The following SEMA3E variants were observed in gnomAD, a reference collection of about 807,000 sequenced individuals.
SEMA3E encodes semaphorin-3E.
In SEMA3E, 49 loss-of-function variants were observed where a neutral mutation model predicts 93.6. The ratio of observed to expected loss-of-function variants is 0.52; its 90% CI spans 0.42 to 0.66. The LOEUF is 0.66. Among genes scored for constraint, SEMA3E ranks in the 30% least tolerant of loss-of-function variants. SEMA3E has a pLI of 0.00. For missense variants in SEMA3E, 906 were observed against 964.8 expected, an observed-to-expected ratio of 0.94 and a Z score of 0.81; for synonymous variants, 363 against 330.7, an observed-to-expected ratio of 1.10 and a Z score of -1.06.
At chr7:83,438,384 T>C (rs1452715480) in intron 4 of SEMA3E, among the ~76,000 whole-genome samples, 2 of 152,118 alleles carry the variant, frequency 1.3e-5, no homozygotes, top group Non-Finnish European at 2.9e-5. Flanking sequence ...AGCAGGCCCA[T>C]ACTTAAAAAG....
At chr7:83,622,106 A>G (rs913166330) in intron 1 of SEMA3E, among the ~76,000 whole-genome samples, 1 of 152,170 alleles carries the variant, frequency 6.6e-6, no homozygotes, top group Non-Finnish European at 1.5e-5. Context: ...ACAAGGGTCT[A>G]ATATCCAGTC....
At chr7:83,426,498 C>T (rs1353735944) in intron 4 of SEMA3E, among the ~76,000 whole-genome samples, 1 of 152,060 alleles carries the variant, frequency 6.6e-6, no homozygotes, top group Non-Finnish European at 1.5e-5. Context: ...CATGTTCTCA[C>T]TTATAGAACA....
intron 4 of SEMA3E, among the ~76,000 whole-genome samples, chr7:83,452,249 G>C (rs1013132706): frequency 1.6e-4 from 25 of 152,206 alleles, no homozygotes; most frequent in South Asian, 1.0e-3. Flanking sequence ...CATGGAAGAG[G>C]TGGGCAAAGA....
At chr7:83,645,894 A>G (rs961585779) in intron 1 of SEMA3E, among the ~76,000 whole-genome samples, 2 of 152,070 alleles carry the variant, frequency 1.3e-5, no homozygotes, top group Admixed American at 6.6e-5. Context: ...ATATTTTTAT[A>G]TAATTTAACT....
intron 2 of SEMA3E, among the ~76,000 whole-genome samples, chr7:83,470,962 T>C (rs1190818177): frequency 2.0e-5 from 3 of 151,988 alleles, no homozygotes; most frequent in East Asian, 1.9e-4. Flanking sequence ...ATTTTGATTA[T>C]ACATTAGTCT....
At chr7:83,384,541 T>A (rs979241119) in intron 16 of SEMA3E, among the ~76,000 whole-genome samples, 1 of 152,070 alleles carries the variant, frequency 6.6e-6, no homozygotes, top group Non-Finnish European at 1.5e-5. Context: ...TTTGTGAAAC[T>A]GAGTTCAAAG....
chr7:83,389,424 C>T (rs1397320513), intron 14 of SEMA3E, among the ~76,000 whole-genome samples: 1 of 126,306 alleles, frequency 7.9e-6, no homozygotes, highest in Non-Finnish European at 1.9e-5. Context: ...AAACTACAAT[C>T]AAATAATTCT....
intron 1 of SEMA3E, among the ~76,000 whole-genome samples, chr7:83,511,476 A>G (rs561346259): frequency 1.3e-5 from 2 of 152,172 alleles, no homozygotes; most frequent in East Asian, 3.9e-4. Context: ...CTTCTTAACT[A>G]CCTGCAGCTA....
chr7:83,610,241 T>C (rs1279416036), intron 1 of SEMA3E, among the ~76,000 whole-genome samples: 2 of 152,050 alleles, frequency 1.3e-5, no homozygotes, highest in Non-Finnish European at 2.9e-5. Context: ...TTTCACCCTC[T>C]GTAGGCATAA....
At chr7:83,630,383 T>C (rs1278467716) in intron 1 of SEMA3E, among the ~76,000 whole-genome samples, 1 of 152,198 alleles carries the variant, frequency 6.6e-6, no homozygotes, top group Non-Finnish European at 1.5e-5. Flanking sequence ...ATAGCAAAGT[T>C]TGGCCCTATC....
intron 1 of SEMA3E, chr7:83,616,527 C>G (rs1793370257): frequency 4.2e-6 from 1 of 236,426 alleles, no homozygotes; most frequent in Non-Finnish European, 8.7e-6. Flanking sequence ...TGGCTCCAGT[C>G]TACTTATTCA....
At chr7:83,519,556 G>T (rs552887150) in intron 1 of SEMA3E, among the ~76,000 whole-genome samples, 3 of 151,644 alleles carry the variant, frequency 2.0e-5, no homozygotes, top group Non-Finnish European at 2.9e-5. Context: ...TTTTCTTCTC[G>T]TCTCCCTAGT....
intron 4 of SEMA3E, among the ~76,000 whole-genome samples, chr7:83,435,797 A>C (rs546687617): frequency 6.6e-6 from 1 of 152,322 alleles, no homozygotes; most frequent in Non-Finnish European, 1.5e-5. Context: ...TTCGTGATGT[A>C]AAATTCCATG....
At chr7:83,448,320 T>C (rs1789278915) in intron 4 of SEMA3E, among the ~76,000 whole-genome samples, 1 of 152,164 alleles carries the variant, frequency 6.6e-6, no homozygotes, top group South Asian at 2.1e-4. Flanking sequence ...CCTAATATTA[T>C]CCAAATATCT....
At chr7:83,553,246 T>G (rs1791806447) in intron 1 of SEMA3E, among the ~76,000 whole-genome samples, 1 of 152,068 alleles carries the variant, frequency 6.6e-6, no homozygotes, top group Admixed American at 6.6e-5. Context: ...ATATTGGGGG[T>G]GGGTTCCCCC....
At chr7:83,440,941 C>A (rs1789101955) in intron 4 of SEMA3E, among the ~76,000 whole-genome samples, 1 of 152,136 alleles carries the variant, frequency 6.6e-6, no homozygotes, top group South Asian at 2.1e-4. Flanking sequence ...TAGAGCCAGA[C>A]TCTGAAGGAC....
intron 1 of SEMA3E, among the ~76,000 whole-genome samples, chr7:83,591,384 T>C (rs1368950747): frequency 6.6e-6 from 1 of 151,782 alleles, no homozygotes; most frequent in African/African-American, 2.4e-5. Flanking sequence ...TTAATGAGTT[T>C]TTCCAGCGTT....
Position 83,402,656 on chromosome 7 carries a change from T to C in SEMA3E, c.1119A>G (p.Lys373=). The C allele has an allele frequency of 1.2e-6, 2 of 1,612,892 alleles. No individual in the cohort carries two copies. The highest frequency in any genetic ancestry group is 1.7e-6 in the Non-Finnish European group (2 of 1,179,090). The change falls in exon 10 of 17, where the codon AAA becomes AAG. Residue 373 remains lysine (K), a synonymous_variant. Transcript: ENST00000643230. ...CAGAACCAGGCCTTGGATAAGGGAC[T>C]TTTCCTTCATAGACTGACCAGTGGT... ...PEYHWSVYEG[K]VPYPRPGSCA...
At chr7:83,434,697 T>G (rs1009314238) in intron 4 of SEMA3E, among the ~76,000 whole-genome samples, 4 of 149,948 alleles carry the variant, frequency 2.7e-5, no homozygotes, top group African/African-American at 9.8e-5. Flanking sequence ...TTATTTATCC[T>G]CAACTGTATT....
Sources: allele counts gnomAD v4.1 joint callset (sites outside exome capture counted in the v4.1 genomes callset), GRCh38; gene constraint gnomAD v4.1.1; transcripts MANE v1.5; gene names NCBI Gene and HGNC (gene_info 2026-07-23, HGNC 2026-07-21).